The following CDH3 variants were observed in gnomAD, a reference collection of about 807,000 sequenced individuals.
CDH3 encodes the protein cadherin-3.
In CDH3, 54 loss-of-function variants were observed where a neutral mutation model predicts 82.0. The ratio of observed to expected loss-of-function variants is 0.66; its 90% CI spans 0.53 to 0.83. The LOEUF is 0.83. Ranked by LOEUF, CDH3 falls within the 40% of genes least tolerant of loss-of-function variation. The pLI, the probability that CDH3 is intolerant of heterozygous loss-of-function variation, is 0.00. For synonymous variants in CDH3, 446 were observed against 437.9 expected, an observed-to-expected ratio of 1.02 and a Z score of -0.23; for missense variants, 1,054 against 1,084.6, an observed-to-expected ratio of 0.97 and a Z score of 0.40.
chr16:68,670,219 G>A (rs1354168732), intron 2 of CDH3, among the ~76,000 whole-genome samples: 96 of 70,510 alleles, frequency 1.4e-3, no homozygotes, highest in Admixed American at 2.7e-3. Flanking sequence ...GCAAGACTCT[G>A]TCTCAAAAAA....
chr16:68,663,936 A>G (rs1040042889), intron 2 of CDH3, among the ~76,000 whole-genome samples: 1 of 151,454 alleles, frequency 6.6e-6, no homozygotes, highest in Non-Finnish European at 1.5e-5. Flanking sequence ...ATTTAGCTTT[A>G]GGTATATCTC....
At chr16:68,652,475 T>A (rs1960276487) in intron 2 of CDH3, among the ~76,000 whole-genome samples, 1 of 152,146 alleles carries the variant, frequency 6.6e-6, no homozygotes, top group Non-Finnish European at 1.5e-5. Context: ...GCAAAGCATT[T>A]GGAGGATGAT....
intron 2 of CDH3, among the ~76,000 whole-genome samples, chr16:68,664,825 A>C: frequency 6.6e-6 from 1 of 151,726 alleles, no homozygotes; most frequent in Middle Eastern, 3.2e-3. Context: ...CTCCCAGCTA[A>C]TTTTGGTAGA....
downstream of CDH3, among the ~76,000 whole-genome samples, chr16:68,731,079 A>ATATATAT (rs1962281340): frequency 9.6e-6 from 1 of 103,896 alleles, no homozygotes; most frequent in African/African-American, 3.8e-5. Flanking sequence ...TATATATATA[A>ATATATAT]TTATAAAAAT....
intron 1 of CDH3, among the ~76,000 whole-genome samples, chr16:68,719,627 A>C (rs1432767457): frequency 6.8e-6 from 1 of 147,822 alleles, no homozygotes; most frequent in East Asian, 2.0e-4. Flanking sequence ...CTCCTGCCTC[A>C]GCCTCCCAAG....
chr16:68,655,641 C>T (rs548585953), intron 2 of CDH3, among the ~76,000 whole-genome samples: 40 of 152,184 alleles, frequency 2.6e-4, no homozygotes, highest in African/African-American at 8.4e-4. Flanking sequence ...GTCAGGAGTT[C>T]GAAACCAGCC....
chr16:68,731,368 C>CAAA (rs869074059), downstream of CDH3, among the ~76,000 whole-genome samples: 2 of 2,284 alleles, frequency 8.8e-4, no homozygotes, highest in African/African-American at 2.2e-3. Context: ...AACTCCGTCT[C>CAAA]AAAAAAAAAA....
At chr16:68,645,493 G>A (rs746182270) in intron 1 of CDH3, 69 bp downstream of exon 1, 13 of 1,555,414 alleles carry the variant, frequency 8.4e-6, no homozygotes, top group South Asian at 8.0e-5. Context: ...TCCGCATGGG[G>A]CAGTGGCGTC....
chr16:68,668,397 C>T (rs904182307), intron 2 of CDH3, among the ~76,000 whole-genome samples: 9 of 152,124 alleles, frequency 5.9e-5, no homozygotes, highest in South Asian at 4.1e-4. Flanking sequence ...GATGATGAGA[C>T]CTGGTTTCGT....
chr16:68,684,488 T>G (rs1386295828), intron 9 of CDH3, 95 bp from the exon 10 acceptor site: 7 of 1,445,114 alleles, frequency 4.8e-6, no homozygotes, highest in Non-Finnish European at 5.8e-6. Context: ...CTCAAGCCCC[T>G]CAGTATTGGT....
intron 2 of CDH3, among the ~76,000 whole-genome samples, chr16:68,724,734 A>T (rs969630151): frequency 1.3e-5 from 2 of 152,194 alleles, no homozygotes; most frequent in Admixed American, 1.3e-4. Flanking sequence ...TTAGCCACAA[A>T]GTCCCTTTTT....
At chr16:68,723,571 A>C (rs1962186620) in intron 2 of CDH3, among the ~76,000 whole-genome samples, 1 of 152,154 alleles carries the variant, frequency 6.6e-6, no homozygotes, top group Non-Finnish European at 1.5e-5. Flanking sequence ...AAGGAAATAA[A>C]TTTTGCTTCA....
At chr16:68,648,104 C>T (rs1209452018) in intron 2 of CDH3, among the ~76,000 whole-genome samples, 1 of 152,178 alleles carries the variant, frequency 6.6e-6, no homozygotes, top group Non-Finnish European at 1.5e-5. Flanking sequence ...ACAAGCTGAG[C>T]TCTTAATCTC....
intron 2 of CDH3, among the ~76,000 whole-genome samples, chr16:68,671,569 T>C (rs559371146): frequency 1.4e-5 from 2 of 145,350 alleles, no homozygotes; most frequent in Non-Finnish European, 3.0e-5. Flanking sequence ...TTGTCCAGGC[T>C]GGAGTGAGGT....
At chr16:68,683,991 C>T (rs556221687) in intron 9 of CDH3, among the ~76,000 whole-genome samples, 5 of 142,492 alleles carry the variant, frequency 3.5e-5, no homozygotes, top group African/African-American at 7.9e-5. Context: ...CGCTTGATCT[C>T]GGGAGGCGGA....
chr16:68,688,970 A>G (rs16942905), intron 12 of CDH3, among the ~76,000 whole-genome samples: 277 of 152,314 alleles, frequency 1.8e-3, no homozygotes, highest in African/African-American at 6.3e-3. Flanking sequence ...TGGAAAATAA[A>G]AAGCATAAGC....
intron 2 of CDH3, among the ~76,000 whole-genome samples, chr16:68,667,105 G>T (rs1222572517): frequency 6.6e-6 from 1 of 152,084 alleles, no homozygotes; most frequent in Admixed American, 6.5e-5. Context: ...CACAGCACTT[G>T]CCCTTTTAAT....
rs1431255822 is a variant in CDH3, at chr16:68,676,242, C to T, written c.161-143C>T. ...AACTTGTATTAGTCACACTCCTGGT[C>T]AGAGAAAGTAAGCCAAGTCTCCCTT... On this transcript the variant is annotated intron_variant, in intron 2 of 15. Transcript: ENST00000264012. The T allele has an allele frequency of 5.7e-6, 4 of 704,972 alleles. No homozygotes were observed. In the East Asian group the frequency reaches 8.1e-5, roughly 14 times the overall value. 43.7% of individuals were successfully genotyped at this position (704,972 alleles called of 1,614,324 possible).
intron 12 of CDH3, among the ~76,000 whole-genome samples, chr16:68,691,083 G>A (rs1961559885): frequency 7.2e-6 from 1 of 139,642 alleles, no homozygotes. Context: ...TCAGTTCACT[G>A]CAACCTCCAC....
Sources: gnomAD v4.1 joint callset for allele counts (sites outside exome capture counted in the v4.1 genomes callset) on GRCh38, gnomAD v4.1.1 for gene constraint, MANE v1.5 for transcripts, NCBI Gene and HGNC (gene_info 2026-07-23, HGNC 2026-07-21) for gene names.